Variants in GRID2 observed in about 807,000 individuals in gnomAD.
GRID2 encodes glutamate ionotropic receptor delta type subunit 2, also known as glutamate receptor ionotropic, delta-2.
In GRID2, 33 loss-of-function variants were observed where a neutral mutation model predicts 114.8. The ratio of observed to expected loss-of-function variants is 0.29; its 90% CI spans 0.22 to 0.38. The LOEUF (loss-of-function observed/expected upper bound fraction) is 0.38. GRID2 is among the 10% of genes least tolerant of loss of function. The probability of loss-of-function intolerance (pLI) is 1.00; values close to 1 mark genes in which losing one functional copy is unlikely to be tolerated. For missense variants in GRID2, 1,184 were observed against 1,257.7 expected, an observed-to-expected ratio of 0.94 and a Z score of 0.89; for synonymous variants, 505 against 449.9, an observed-to-expected ratio of 1.12 and a Z score of -1.55.
chr4:93,598,014 A>C (rs193267350), intron 13 of GRID2, among the ~76,000 whole-genome samples: 1 of 152,318 alleles, frequency 6.6e-6, no homozygotes, highest in East Asian at 1.9e-4. Context: ...TATCAATAGG[A>C]AAGACTAAAA....
intron 10 of GRID2, among the ~76,000 whole-genome samples, chr4:93,453,487 T>C (rs1560634915): frequency 1.3e-5 from 2 of 152,098 alleles, no homozygotes; most frequent in East Asian, 3.9e-4. Context: ...GGAATTTGTT[T>C]ATAGATATAT....
chr4:92,613,743 T>C (rs971990613), intron 2 of GRID2, among the ~76,000 whole-genome samples: 2 of 151,452 alleles, frequency 1.3e-5, no homozygotes, highest in Non-Finnish European at 3.0e-5. Flanking sequence ...ATTCCAGATT[T>C]TGGCAATCTG....
intron 6 of GRID2, 173 bp downstream of exon 6, chr4:93,217,084 C>A (rs1744311711): frequency 1.6e-5 from 7 of 447,198 alleles, no homozygotes; most frequent in Non-Finnish European, 2.8e-5. Flanking sequence ...CGTCTTTGTT[C>A]TTTTTGATCT....
intron 2 of GRID2, among the ~76,000 whole-genome samples, chr4:92,626,339 C>G (rs369145911): frequency 6.6e-5 from 10 of 151,920 alleles, no homozygotes; most frequent in African/African-American, 2.4e-4. Flanking sequence ...CTTTGCAATG[C>G]GTATGGAAAA....
chr4:92,535,436 T>A (rs943459039), intron 1 of GRID2, among the ~76,000 whole-genome samples: 5 of 152,174 alleles, frequency 3.3e-5, no homozygotes, highest in African/African-American at 1.2e-4. Flanking sequence ...TTTATAATTT[T>A]GGAAATTCCA....
At chr4:92,789,269 A>G (rs984037409) in intron 2 of GRID2, among the ~76,000 whole-genome samples, 2 of 151,866 alleles carry the variant, frequency 1.3e-5, no homozygotes, top group Non-Finnish European at 2.9e-5. Context: ...TAGCTGCACT[A>G]TAATGTGGCT....
intron 4 of GRID2, among the ~76,000 whole-genome samples, chr4:93,187,495 CG>C (rs1278605901): frequency 7.2e-5 from 11 of 152,064 alleles, no homozygotes; most frequent in African/African-American, 2.7e-4. Context: ...AGGCTGGTCT[CG>C]ACTCCTGACC....
chr4:92,799,011 A>G (rs935348607), intron 2 of GRID2, among the ~76,000 whole-genome samples: 1 of 152,006 alleles, frequency 6.6e-6, no homozygotes, highest in African/African-American at 2.4e-5. Context: ...CGATTGGTGG[A>G]AGACAATTTT....
intron 2 of GRID2, among the ~76,000 whole-genome samples, chr4:92,914,261 A>G (rs1014801239): frequency 3.3e-5 from 5 of 152,228 alleles, no homozygotes; most frequent in African/African-American, 9.6e-5. Context: ...TTTTTACTCA[A>G]TAGTCTATTG....
intron 2 of GRID2, among the ~76,000 whole-genome samples, chr4:92,839,535 TA>T (rs1324805719): frequency 6.6e-6 from 1 of 151,734 alleles, no homozygotes. Context: ...AAAAACTTTT[TA>T]AAGAAAAGTT....
chr4:93,498,471 T>C (rs1727756096), intron 12 of GRID2, among the ~76,000 whole-genome samples: 1 of 151,914 alleles, frequency 6.6e-6, no homozygotes, highest in Non-Finnish European at 1.5e-5. Flanking sequence ...AGTATTAAAA[T>C]CATAGTAATT....
intron 14 of GRID2, among the ~76,000 whole-genome samples, chr4:93,685,487 G>T (rs1238720129): frequency 2.0e-5 from 3 of 151,996 alleles, no homozygotes; most frequent in Non-Finnish European, 2.9e-5. Context: ...TAAAACAAGT[G>T]TTACTATTTT....
chr4:93,284,245 C>T (rs187260037), intron 8 of GRID2, among the ~76,000 whole-genome samples: 1 of 152,042 alleles, frequency 6.6e-6, no homozygotes, highest in Non-Finnish European at 1.5e-5. Flanking sequence ...TTTTTACTTC[C>T]CATTTCTTTA....
At chr4:93,163,366 A>G (rs1466304807) in intron 4 of GRID2, among the ~76,000 whole-genome samples, 17 of 48,076 alleles carry the variant, frequency 3.5e-4, no homozygotes, top group Admixed American at 1.8e-3. Context: ...GTATATATAT[A>G]TATATATATA....
intron 14 of GRID2, among the ~76,000 whole-genome samples, chr4:93,758,110 T>G (rs765483182): frequency 1.4e-4 from 22 of 152,232 alleles, no homozygotes; most frequent in Non-Finnish European, 3.1e-4. Flanking sequence ...AAGAGAAGGT[T>G]ATGTTACTGT....
chr4:93,389,959 T>G lies in GRID2; in HGVS notation c.1246-5648T>G, dbSNP rs536958269. 3.9e-5 allele frequency among the ~76,000 whole-genome samples: 6 copies of G among 152,246 alleles called. No individual in the cohort carries two copies. In the South Asian group the frequency reaches 1.0e-3, roughly 26 times the overall value. ...ATGTGCCACCACACCTGGCTGATTT[T>G]TGTATTTTTAGTAGAGACGGGGTTT... is the stretch of plus-strand genomic sequence containing the variant. On this transcript the variant is annotated intron_variant, in intron 8 of 15. Transcript: ENST00000282020.
intron 4 of GRID2, among the ~76,000 whole-genome samples, chr4:93,205,144 G>T (rs1742555497): frequency 6.6e-6 from 1 of 151,022 alleles, no homozygotes; most frequent in Non-Finnish European, 1.5e-5. Context: ...TTCATTATTT[G>T]TCTCTTAGAT....
intron 2 of GRID2, among the ~76,000 whole-genome samples, chr4:92,819,405 A>G (rs895694271): frequency 9.9e-5 from 15 of 152,080 alleles, no homozygotes; most frequent in East Asian, 1.9e-4. Flanking sequence ...TGAAGGGCAC[A>G]TGTATGGGGG....
intron 2 of GRID2, among the ~76,000 whole-genome samples, chr4:93,036,387 C>T (rs950049240): frequency 6.6e-6 from 1 of 152,096 alleles, no homozygotes; most frequent in Non-Finnish European, 1.5e-5. Flanking sequence ...TTTGTGCACT[C>T]TGTGCTCTTA....
Sources: gnomAD v4.1 joint callset for allele counts (sites outside exome capture counted in the v4.1 genomes callset) on GRCh38, gnomAD v4.1.1 for gene constraint, MANE v1.5 for transcripts, NCBI Gene and HGNC (gene_info 2026-07-23, HGNC 2026-07-21) for gene names.